ADGRG6: variants seen among roughly 807,000 people sequenced by gnomAD.
ADGRG6 encodes the protein G-protein coupled receptor 126.
In ADGRG6, 84 loss-of-function variants were observed where a neutral mutation model predicts 142.4. That is an observed-to-expected ratio of 0.59 (90% CI 0.49 to 0.71). The LOEUF is 0.71. Among genes scored for constraint, ADGRG6 ranks in the 30% least tolerant of loss-of-function variants. The pLI, the probability that ADGRG6 is intolerant of heterozygous loss-of-function variation, is 0.00. For missense variants in ADGRG6, 1,367 were observed against 1,466.6 expected (o/e 0.93, Z 1.11); for synonymous variants, 521 against 520.5 (o/e 1.00, Z -0.01).
At position 142,408,133 on chromosome 6, in the gene ADGRG6, T is replaced by C. The variant is rs1172947805; in HGVS notation, c.2269-17T>C. The C allele has an allele frequency of 6.5e-7, 1 of 1,536,964 alleles. No individual in the cohort carries two copies. The highest frequency in any genetic ancestry group is 8.8e-7 in the Non-Finnish European group (1 of 1,139,456). On this transcript the variant is annotated splice_polypyrimidine_tract_variant and intron_variant, in intron 15 of 24. Coordinates refer to ENST00000367609, the MANE Select transcript of ADGRG6 (RefSeq NM_198569.3). ...TGTACTTCTGACTGATACACGCGAT[T>C]TTTTTTTCTTTAAAAGGATGTAGGA...
At chr6:142,307,975 AT>A (rs1562298326) in intron 1 of ADGRG6, among the ~76,000 whole-genome samples, 1 of 151,964 alleles carries the variant, frequency 6.6e-6, no homozygotes, top group Non-Finnish European at 1.5e-5. Context: ...TGAATAACCA[AT>A]TTCATTTCTG....
chr6:142,375,107 T>C (rs1446647964), intron 4 of ADGRG6, among the ~76,000 whole-genome samples: 1 of 152,158 alleles, frequency 6.6e-6, no homozygotes, highest in Non-Finnish European at 1.5e-5. Flanking sequence ...ACTCTTCTAT[T>C]CTTTGCTTTT....
chr6:142,373,891 T>TC (rs1167574918), intron 4 of ADGRG6, among the ~76,000 whole-genome samples: 1 of 144,180 alleles, frequency 6.9e-6, no homozygotes, highest in South Asian at 2.2e-4. Context: ...CTTTTTTTTT[T>TC]TTTTTTTTTT....
In ADGRG6 at chr6:142,351,319, A is replaced by G. The variant is rs1290108544; in HGVS notation, c.104-16250A>G. The stretch of plus-strand genomic sequence containing the variant: ...ACTTCAAACTATACTACAAGGCTAC[A>G]GTAACCAAAACAGCATGGTACTGCA... On this transcript the variant is annotated intron_variant, in intron 2 of 24. Transcript: ENST00000367609. Among the ~76,000 whole-genome samples the G allele has an allele frequency of 2.6e-5, 4 of 152,190 alleles. No homozygotes were observed. In the East Asian group the frequency reaches 5.8e-4, roughly 22 times the overall value.
intron 2 of ADGRG6, among the ~76,000 whole-genome samples, chr6:142,364,521 C>T (rs543704654): frequency 3.3e-5 from 5 of 152,230 alleles, no homozygotes; most frequent in South Asian, 2.1e-4. Context: ...TTAATAATAG[C>T]CAACACTTAA....
intron 4 of ADGRG6, among the ~76,000 whole-genome samples, chr6:142,373,838 C>T (rs1194335801): frequency 6.6e-6 from 1 of 151,604 alleles, no homozygotes; most frequent in East Asian, 1.9e-4. Context: ...GGGATTGTGC[C>T]CAGCACACAT....
intron 2 of ADGRG6, among the ~76,000 whole-genome samples, chr6:142,320,590 TAC>T (rs747977485): frequency 2.0e-5 from 3 of 152,078 alleles, no homozygotes; most frequent in East Asian, 1.9e-4. Flanking sequence ...AGTAGGAAGA[TAC>T]AGTTAGTACA....
At chr6:142,408,331 C>G in intron 16 of ADGRG6, 62 bp downstream of exon 16, 1 of 1,279,160 alleles carries the variant, frequency 7.8e-7, no homozygotes, top group South Asian at 1.6e-5. Flanking sequence ...CTAGTGGGGC[C>G]TTTTTTTCTA....
chr6:142,382,867 G>T (rs1357429126), intron 5 of ADGRG6, among the ~76,000 whole-genome samples: 1 of 152,176 alleles, frequency 6.6e-6, no homozygotes, highest in Non-Finnish European at 1.5e-5. Context: ...GCTCTCTTCT[G>T]TGGTTCCAGT....
At chr6:142,347,679 T>C (rs1490533172) in intron 2 of ADGRG6, among the ~76,000 whole-genome samples, 2 of 152,176 alleles carry the variant, frequency 1.3e-5, no homozygotes, top group Non-Finnish European at 2.9e-5. Context: ...ACTTGGTGTA[T>C]GTCTCTACAT....
chr6:142,372,829 G>A (rs571594130), intron 4 of ADGRG6, among the ~76,000 whole-genome samples: 2 of 152,192 alleles, frequency 1.3e-5, no homozygotes, highest in South Asian at 4.2e-4. Flanking sequence ...TTTAATTCAG[G>A]GGTCTCTTTT....
chr6:142,407,284 C>T (rs905608597), intron 15 of ADGRG6, among the ~76,000 whole-genome samples: 7 of 150,196 alleles, frequency 4.7e-5, no homozygotes, highest in Non-Finnish European at 8.9e-5. Context: ...GGGCAAGGTA[C>T]GATGGTGATG....
At chr6:142,434,480 A>G (rs1777380979) in intron 22 of ADGRG6, among the ~76,000 whole-genome samples, 1 of 152,028 alleles carries the variant, frequency 6.6e-6, no homozygotes, top group African/African-American at 2.4e-5. Context: ...GCCAACCACC[A>G]CATCCGGCTA....
At chr6:142,403,487 T>C (rs1775641926) in intron 13 of ADGRG6, among the ~76,000 whole-genome samples, 1 of 152,060 alleles carries the variant, frequency 6.6e-6, no homozygotes, top group Admixed American at 6.6e-5. Flanking sequence ...TGATAAGCCG[T>C]AAGGTAGGGA....
intron 22 of ADGRG6, among the ~76,000 whole-genome samples, chr6:142,436,686 G>A (rs1777504831): frequency 6.6e-6 from 1 of 152,148 alleles, no homozygotes; most frequent in Non-Finnish European, 1.5e-5. Context: ...CAAGTATAGA[G>A]GAATCAAGAG....
At chr6:142,410,954 G>C (rs1562375464) in intron 17 of ADGRG6, among the ~76,000 whole-genome samples, 1 of 151,740 alleles carries the variant, frequency 6.6e-6, no homozygotes, top group African/African-American at 2.4e-5. Flanking sequence ...TTAACCCTCA[G>C]AAAAAATTGT....
chr6:142,409,816 T>G (rs1775992379), intron 16 of ADGRG6, 58 bp from the exon 17 acceptor site: 4 of 743,702 alleles, frequency 5.4e-6, no homozygotes, highest in Admixed American at 5.4e-5. Flanking sequence ...TCTTTTGCCA[T>G]ATTTAAATCA....
At chr6:142,362,306 G>A (rs1197822763) in intron 2 of ADGRG6, among the ~76,000 whole-genome samples, 1 of 152,182 alleles carries the variant, frequency 6.6e-6, no homozygotes, top group Non-Finnish European at 1.5e-5. Context: ...CTTATTCAGG[G>A]TGTTTCCAAA....
chr6:142,309,689 A>T, intron 2 of ADGRG6, 45 bp downstream of exon 2: 1 of 1,235,872 alleles, frequency 8.1e-7, no homozygotes, highest in Non-Finnish European at 1.2e-6. Flanking sequence ...TCATGATGAC[A>T]TTGTCTGCAG....
Sources: gnomAD v4.1 joint callset for allele counts (sites outside exome capture counted in the v4.1 genomes callset) on GRCh38, gnomAD v4.1.1 for gene constraint, MANE v1.5 for transcripts, NCBI Gene and HGNC (gene_info 2026-07-23, HGNC 2026-07-21) for gene names.